The following SLC4A1 variants were observed in gnomAD, a reference collection of about 807,000 sequenced individuals.
SLC4A1 encodes band 3 anion transport protein.
In SLC4A1, 29 loss-of-function variants were observed where a neutral mutation model predicts 93.1. The ratio of observed to expected loss-of-function variants is 0.31; its 90% CI spans 0.23 to 0.42. The LOEUF (loss-of-function observed/expected upper bound fraction) is 0.42. Ranked by LOEUF, SLC4A1 falls within the 20% of genes least tolerant of loss-of-function variation. SLC4A1 has a pLI of 1.00. For missense variants in SLC4A1, 965 were observed against 1,190.1 expected, an observed-to-expected ratio of 0.81 and a Z score of 2.78; for synonymous variants, 469 against 497.2, an observed-to-expected ratio of 0.94 and a Z score of 0.76.
intron 1 of SLC4A1, 112 bp from the exon 2 acceptor site, chr17:44,263,046 G>C: frequency 1.2e-6 from 1 of 864,438 alleles, no homozygotes. Flanking sequence ...GGAGGTGGTA[G>C]GGCCAGAGGA....
In SLC4A1 at chr17:44,253,252, G is replaced by A; in HGVS notation, c.2177C>T (p.Ala726Val). Reference protein sequence around the residue: ...AALFGMPWLSATTVRSVTHAN... With the variant: ...AALFGMPWLSVTTVRSVTHAN... The stretch of plus-strand genomic sequence containing the variant: ...ATGGGTGACGGAACGCACGGTGGTG[G>A]CACTGAGCCAGGGCATCCCAAAGAG... The change falls in exon 17 of 20, where the codon GCC (alanine) becomes GTC (valine). Residue 726 changes from alanine (A) to valine (V), a missense_variant. By Grantham distance (64) the Ala-to-Val change is moderately conservative. Transcript: ENST00000262418. The A allele has an allele frequency of 3.7e-6, 6 of 1,613,988 alleles. No homozygotes were observed. The highest frequency in any genetic ancestry group is 5.1e-6 in the Non-Finnish European group (6 of 1,180,030).
Position 44,250,506 on chromosome 17 carries a change from A to G in SLC4A1, c.2688T>C (p.Asp896=), listed in dbSNP as rs45497993. The change falls in exon 20 of 20, where the codon GAT becomes GAC. Residue 896 remains aspartate (D), a synonymous_variant. Transcript: ENST00000262418. ...LDADDAKATF[D]EEEGRDEYDE... Reference sequence around the variant, plus strand: ...CGTATTCATCCCGACCTTCCTCCTCATCAAAGGTTGCCTTGGCATCATCAG... The same window carrying G: ...CGTATTCATCCCGACCTTCCTCCTCGTCAAAGGTTGCCTTGGCATCATCAG... The G allele has an allele frequency of 3.2e-3, 5,166 of 1,613,688 alleles. 152 individuals are homozygous for G. In the African/African-American group the frequency reaches 0.061, roughly 19 times the overall value.
At chr17:44,267,492 C>T (rs1274896954) in intron 1 of SLC4A1, among the ~76,000 whole-genome samples, 1 of 152,220 alleles carries the variant, frequency 6.6e-6, no homozygotes, top group Non-Finnish European at 1.5e-5. Flanking sequence ...ATCTTCATTT[C>T]CCCTCTGATT....
In SLC4A1 at chr17:44,258,524, C is replaced by T. The variant is rs745317710; in HGVS notation, c.976G>A (p.Ala326Thr). The change falls in exon 10 of 20, where the codon GCC (alanine) becomes ACC (threonine). Residue 326 changes from alanine to threonine, a missense_variant. By Grantham distance (58) the Ala-to-Thr change is moderately conservative (BLOSUM62 0). This residue lies in a region of SLC4A1 where 770 missense variants were observed against 1,006.6 expected (regional missense o/e 0.76). Transcript: ENST00000262418. This position sits in a 1 kb window ranked among gnomAD's most constrained non-coding sequence, Gnocchi z 6.1. ...DCSLVLPPTD[A>T]PSEQALLSLV... is the part of the protein sequence containing the mutation. ...CTGAGCAGTGCCTGCTCGGAGGGGG[C>T]ATCGGTGGGAGGCAGCACTAGGCTG... The T allele has an allele frequency of 1.2e-6, 2 of 1,613,930 alleles. No homozygotes were observed. The highest frequency in any genetic ancestry group is 1.7e-6 in the Non-Finnish European group (2 of 1,179,962).
intron 4 of SLC4A1, among the ~76,000 whole-genome samples, chr17:44,261,295 C>T (rs1244776498): frequency 6.6e-6 from 1 of 152,168 alleles, no homozygotes; most frequent in Non-Finnish European, 1.5e-5. Context: ...TTCTGTGCTT[C>T]CCCAGTGACG....
rs117612705 is a variant in SLC4A1, at chr17:44,260,067, C to A, written c.486-135G>T. ...GACATCTGGGACTTCCCAGACCAGA[C>A]CAGAGAGACCCTGGGATGGAAGGAG... On this transcript the variant is annotated intron_variant, in intron 6 of 19. Coordinates refer to ENST00000262418, the MANE Select transcript of SLC4A1 (RefSeq NM_000342.4). The A allele has an allele frequency of 3.3e-5, 37 of 1,130,952 alleles. No individual in the cohort carries two copies. The East Asian group carries it at 7.8e-4, about 24-fold the overall frequency. The allele number at this position is 1,130,952 out of a possible 1,614,324, so 70.1% of individuals were successfully genotyped here.
intron 1 of SLC4A1, among the ~76,000 whole-genome samples, chr17:44,263,192 G>A (rs893280761): frequency 6.6e-6 from 1 of 152,092 alleles, no homozygotes; most frequent in African/African-American, 2.4e-5. Flanking sequence ...GGGGAAGATG[G>A]GCAGGTCACC....
rs763684399 is a variant in SLC4A1 at position 44,257,856 on chromosome 17, G to A, written c.1283-49C>T. 4.3e-6 allele frequency: 7 copies of A among 1,611,476 alleles called. No individual in the cohort carries two copies. The African/African-American group carries it at 6.7e-5, about 15-fold the overall frequency. ...ATCAAGGTCAGGAGATCATTTCCAG[G>A]AGCCCATAGAGCAAGTCATGGTCAG... On this transcript the variant is annotated intron_variant, in intron 11 of 19. Coordinates refer to ENST00000262418, the MANE Select transcript of SLC4A1 (RefSeq NM_000342.4).
rs1277716661 is a variant in SLC4A1 at position 44,258,250 on chromosome 17, G to C, written c.1088-70C>G. The C allele has an allele frequency of 1.2e-5, 18 of 1,503,058 alleles. No individual in the cohort carries two copies. Among genetic ancestry groups the C allele is most frequent in the Non-Finnish European group, 1.7e-5 (18 of 1,081,016 alleles). The allele number at this position is 1,503,058 out of a possible 1,614,324, so 93.1% of individuals were successfully genotyped here. ...AGGTGAGGGGAAAGGGGACTGGAGGGTGTAGGGGAGATTGTCTGATGGGAA... is the reference window on the plus strand; with the variant it reads ...AGGTGAGGGGAAAGGGGACTGGAGGCTGTAGGGGAGATTGTCTGATGGGAA... On this transcript the variant is annotated intron_variant, in intron 10 of 19. Coordinates refer to ENST00000262418, the MANE Select transcript of SLC4A1 (RefSeq NM_000342.4). The surrounding 1 kb of genome is among the most constrained non-coding windows in gnomAD (Gnocchi z 6.1).
chr17:44,262,163 G>T, intron 3 of SLC4A1: 1 of 652,878 alleles, frequency 1.5e-6, no homozygotes, highest in Non-Finnish European at 2.0e-6. Context: ...CCAATCTCCA[G>T]CACTTAAGTC....
At position 44,250,163 on chromosome 17, in the gene SLC4A1, GGGCTC is replaced by G; in HGVS notation, c.*290_*294del. ...CCCCTGCCTGTGCTGGGAAGAGGGA[GGGCTC>G]AGATCTAAGTCTTCCAGCACGGGAT... On this transcript the variant is annotated 3_prime_UTR_variant, in exon 20 of 20. Transcript: ENST00000262418. 1 of 423,598 alleles carries G rather than the reference GGGCTC, an allele frequency of 2.4e-6. No individual in the cohort carries two copies. Among genetic ancestry groups the G allele is most frequent in the South Asian group, 2.4e-5 (1 of 42,444 alleles). The allele number at this position is 423,598 out of a possible 1,614,324, so 26.2% of individuals were successfully genotyped here.
chr17:44,262,839 A>G lies in SLC4A1; in HGVS notation c.15+13T>C, dbSNP rs754718200. 2.4e-5 allele frequency: 38 copies of G among 1,613,688 alleles called. No individual in the cohort carries two copies. Among genetic ancestry groups the G allele is most frequent in the East Asian group, 6.7e-5 (3 of 44,890 alleles). ...TCCAGGTGGGAGCACTGCTGATGCC[A>G]GGGAACACCCACCTGCAGCTCCTCC... On this transcript the variant is annotated intron_variant, in intron 2 of 19. Transcript: ENST00000262418.
intron 3 of SLC4A1, chr17:44,261,974 A>C (rs1598302812): frequency 2.2e-5 from 26 of 1,170,126 alleles, no homozygotes; most frequent in Middle Eastern, 3.7e-4. Context: ...TCCTCCTAGG[A>C]CCTCCTCCCT....
Position 44,255,294 on chromosome 17 carries a change from C to G in SLC4A1, c.1803G>C (p.Leu601=). 1 of 1,553,570 alleles carries G rather than the reference C, an allele frequency of 6.4e-7. No homozygotes were observed. Among genetic ancestry groups the G allele is most frequent in the Non-Finnish European group, 8.7e-7 (1 of 1,147,818 alleles). ...CCCCGAAGTCCCCGATGACCCGACGCAGCTGGGGGCAGGTGAAAGGACCAG... is the reference window on the plus strand; with the variant it reads ...CCCCGAAGTCCCCGATGACCCGACGGAGCTGGGGGCAGGTGAAAGGACCAG... ...FKNSSYFPGK[L]RRVIGDFGVP... The change falls in exon 15 of 20, where the codon CTG becomes CTC. Residue 601 remains leucine (L), a splice_region_variant and synonymous_variant. Transcript: ENST00000262418.
chr17:44,260,563 T>C, intron 5 of SLC4A1, 24 bp from the exon 6 acceptor site: 3 of 1,614,124 alleles, frequency 1.9e-6, no homozygotes, highest in Non-Finnish European at 2.5e-6. Flanking sequence ...AGGAGTGAGC[T>C]GGTAGGCTGG....
At chr17:44,267,505 C>T (rs945876861) in intron 1 of SLC4A1, among the ~76,000 whole-genome samples, 2 of 152,234 alleles carry the variant, frequency 1.3e-5, no homozygotes, top group Admixed American at 6.5e-5. Context: ...CTCTGATTTG[C>T]CCTCAGTTCC....
intron 1 of SLC4A1, among the ~76,000 whole-genome samples, chr17:44,266,061 G>A (rs1484010800): frequency 1.3e-5 from 2 of 152,104 alleles, no homozygotes; most frequent in African/African-American, 4.8e-5. Flanking sequence ...CCTGGGGGTA[G>A]GGAGGGGATT....
In SLC4A1 at chr17:44,251,343, A is replaced by G; in HGVS notation, c.2482-11T>C. The G allele has an allele frequency of 6.2e-7, 1 of 1,614,202 alleles. No homozygotes were observed. The highest frequency in any genetic ancestry group is 8.5e-7 in the Non-Finnish European group (1 of 1,180,038). On this transcript the variant is annotated splice_polypyrimidine_tract_variant and intron_variant, in intron 18 of 19. Transcript: ENST00000262418. ...GCGCCAGGTCTTCACCTGCAGGCGG[A>G]GGCTGGGGTCAGTGCCTATCACACC...
Position 44,261,622 on chromosome 17 carries a change from C to A in SLC4A1, c.121G>T (p.Ala41Ser), listed in dbSNP as rs1355116360. 6.2e-7 allele frequency: 1 copy of A among 1,614,162 alleles called. No individual in the cohort carries two copies. The highest frequency in any genetic ancestry group is 1.1e-5 in the South Asian group (1 of 91,082). Residue 41 changes from alanine (A) to serine (S), a missense_variant, in exon 4 of 20, where the codon GCA (alanine) becomes TCA (serine). By Grantham distance (99) the Ala-to-Ser change is moderately conservative. Coordinates refer to ENST00000262418, the MANE Select transcript of SLC4A1 (RefSeq NM_000342.4). ...GTGGTGTGGTAGTCTGTGGCTGTTG[C>A]CTCGGTGTCGTGAGCTGAAAACCAG... ...MEEPAAHDTE[A>S]TATDYHTTSH...
Sources: allele counts gnomAD v4.1 joint callset (sites outside exome capture counted in the v4.1 genomes callset), GRCh38; gene constraint gnomAD v4.1.1; regional missense constraint gnomAD v4.1.1; non-coding constraint Gnocchi (gnomAD v3.1); transcripts MANE v1.5; gene names NCBI Gene and HGNC (gene_info 2026-07-23, HGNC 2026-07-21).